Variants in C19orf25 observed in about 807,000 individuals in gnomAD.
C19orf25 encodes chromosome 19 open reading frame 25, also known as UPF0449 protein C19orf25.
Under a neutral mutation model 3.1 loss-of-function variants are expected in C19orf25, and 1 was observed. The ratio of observed to expected loss-of-function variants is 0.32; its 90% CI spans 0.12 to 1.54. The LOEUF is 1.54. C19orf25 is among the 40% of genes most tolerant of loss of function. The pLI is 0.38. For missense variants in C19orf25, 196 were observed against 160.4 expected (o/e 1.22, Z -1.20); for synonymous variants, 91 against 74.3 (o/e 1.23, Z -1.16).
At position 1,473,868 on chromosome 19, in the gene C19orf25, A is replaced by C. The variant is rs80292003; in HGVS notation, c.*1164T>G. 118 of 152,474 alleles carry C rather than the reference A, an allele frequency of 7.7e-4. No individual in the cohort carries two copies. Among genetic ancestry groups the C allele is most frequent in the African/African-American group, 2.8e-3 (116 of 41,598 alleles). 9.4% of individuals were successfully genotyped at this position (152,474 alleles called of 1,614,324 possible). A position where few individuals can be genotyped will look rare whatever the true frequency, so the allele number is the denominator to read the frequency against. ...AGCTTCAGAAGCATGACCAGTGAGA[A>C]GTCCCTAGGGCCCAGGCCGGGCTAG... On this transcript the variant is annotated 3_prime_UTR_variant, in exon 3 of 3. Coordinates refer to ENST00000585675, the MANE Select transcript of C19orf25 (RefSeq NM_152482.3).
intron 2 of C19orf25, 148 bp downstream of exon 2, chr19:1,478,626 T>C (rs1248019231): frequency 9.0e-6 from 13 of 1,440,230 alleles, no homozygotes; most frequent in Middle Eastern, 1.8e-4. Flanking sequence ...TACGGAGGAG[T>C]AGAGGGAGAC....
intron 2 of C19orf25, chr19:1,476,190 A>AGG (rs1017869568): frequency 5.0e-6 from 2 of 398,776 alleles, no homozygotes; most frequent in African/African-American, 4.1e-5. Flanking sequence ...GAGAAGCGTC[A>AGG]GGGGCCCCTC....
chr19:1,475,130 A>G lies in C19orf25; in HGVS notation c.259T>C (p.Cys87Arg). 6.3e-7 allele frequency: 1 copy of G among 1,599,692 alleles called. No individual in the cohort carries two copies. Among genetic ancestry groups the G allele is most frequent in the Non-Finnish European group, 8.5e-7 (1 of 1,174,364 alleles). ...QQAGNVLRQR[C>R]ELLQRAGEDL... ...TCGCCGGCTCGCTGCAGGAGCTCAC[A>G]CCTCTGCCTCAGCACGTTGCCCGCC... is the stretch of plus-strand genomic sequence containing the variant. Residue 87 changes from cysteine to arginine, a missense_variant, in exon 3 of 3, where the codon TGT (cysteine) becomes CGT (arginine). Coordinates refer to ENST00000585675, the MANE Select transcript of C19orf25 (RefSeq NM_152482.3).
At chr19:1,478,367 A>C (rs1037855646) in intron 2 of C19orf25, 2 of 335,146 alleles carry the variant, frequency 6.0e-6, no homozygotes, top group Admixed American at 4.9e-5. Flanking sequence ...CAGCCTCCCG[A>C]GTAGCTGAGA....
intron 2 of C19orf25, among the ~76,000 whole-genome samples, chr19:1,477,000 TC>T (rs2084211831): frequency 2.9e-5 from 2 of 68,350 alleles, no homozygotes; most frequent in Non-Finnish European, 5.0e-5. Flanking sequence ...TTTTCTTTTT[TC>T]TTTTTTTTTT....
rs1419751984 is a variant in C19orf25, at chr19:1,478,822, G to A, written c.82C>T (p.Arg28Trp). The A allele has an allele frequency of 1.9e-6, 3 of 1,591,450 alleles. No individual in the cohort carries two copies. Among genetic ancestry groups the A allele is most frequent in the South Asian group, 1.1e-5 (1 of 87,386 alleles). Residue 28 changes from arginine to tryptophan, a missense_variant, in exon 2 of 3, where the codon CGG becomes TGG. By Grantham distance (101) the Arg-to-Trp change is moderately radical. Coordinates refer to ENST00000585675, the MANE Select transcript of C19orf25 (RefSeq NM_152482.3). ...PTVEQILEDV[R>W]GAPAEDPVFT... The stretch of plus-strand genomic sequence containing the variant: ...ACTGGATCCTCTGCCGGCGCACCCC[G>A]CACATCCTCCAGGATCTGCTCCACC...
chr19:1,474,089 CCCGGGGTCG>C lies in C19orf25; in HGVS notation c.*934_*942del, dbSNP rs941555964. 1 of 152,248 alleles carries C rather than the reference CCCGGGGTCG, an allele frequency of 6.6e-6. No individual in the cohort carries two copies. The highest frequency in any genetic ancestry group is 2.4e-5 in the African/African-American group (1 of 41,450). The allele number at this position is 152,248 out of a possible 1,614,324, so 9.4% of individuals were successfully genotyped here. A position where few individuals can be genotyped will look rare whatever the true frequency, so the allele number is the denominator to read the frequency against. On this transcript the variant is annotated 3_prime_UTR_variant, in exon 3 of 3. Coordinates refer to ENST00000585675, the MANE Select transcript of C19orf25 (RefSeq NM_152482.3). The stretch of plus-strand genomic sequence containing the variant: ...GTGCCCGGCAGGACTGAGCAGGGTT[CCCGGGGTCG>C]CCGGTACCCATCCCTCCCCAGCTTC...
intron 1 of C19orf25, 37 bp downstream of exon 1, chr19:1,479,126 T>A: frequency 7.6e-7 from 1 of 1,309,588 alleles, no homozygotes; most frequent in Non-Finnish European, 9.7e-7. Context: ...CTGCCTCAGT[T>A]TCCCCGCGGT....
At chr19:1,477,302 G>A (rs749587396) in intron 2 of C19orf25, among the ~76,000 whole-genome samples, 13 of 152,122 alleles carry the variant, frequency 8.5e-5, no homozygotes, top group African/African-American at 1.4e-4. Flanking sequence ...GCACCTGGCC[G>A]ATTCATCTTC....
Position 1,475,227 on chromosome 19 carries a change from A to C in C19orf25, c.162T>G (p.Asp54Glu). The C allele has an allele frequency of 6.4e-7, 1 of 1,558,208 alleles. No individual in the cohort carries two copies. Among genetic ancestry groups the C allele is most frequent in the Non-Finnish European group, 8.7e-7 (1 of 1,151,674 alleles). Residue 54 changes from aspartate to glutamate, a missense_variant, in exon 3 of 3, where the codon GAT (aspartate) becomes GAG (glutamate). Transcript: ENST00000585675. ...AGAGCTGCTCTCCCGGGGCCTCCGC[A>C]TCCTCCATCATCCTGAAGGGAACTG... ...DPPVPFRMME[D>E]AEAPGEQLYQ... is the part of the protein sequence containing the mutation.
Position 1,478,715 on chromosome 19 carries a change from C to T in C19orf25, c.130+59G>A, listed in dbSNP as rs540860587. Reference sequence around the variant, plus strand: ...CAGGAGTTAGGGGTGTGCTTCTCTCCCGTCCCCTTGCTGCCGGGGTCTCAG... The same window carrying T: ...CAGGAGTTAGGGGTGTGCTTCTCTCTCGTCCCCTTGCTGCCGGGGTCTCAG... On this transcript the variant is annotated intron_variant, in intron 2 of 2. Transcript: ENST00000585675. The T allele has an allele frequency of 4.5e-5, 69 of 1,534,176 alleles. No individual in the cohort carries two copies. In the East Asian group the frequency reaches 1.1e-3, roughly 24 times the overall value.
chr19:1,479,020 G>GCC, intron 1 of C19orf25, 115 bp from the exon 2 acceptor site: 25 of 1,396,604 alleles, frequency 1.8e-5, no homozygotes, highest in Non-Finnish European at 2.2e-5. Flanking sequence ...TCCCGGGGAA[G>GCC]CCCGCCCTGT....
intron 2 of C19orf25, among the ~76,000 whole-genome samples, chr19:1,477,595 C>G (rs1039665736): frequency 9.9e-5 from 15 of 152,236 alleles, no homozygotes; most frequent in African/African-American, 3.4e-4. Flanking sequence ...CTCTGCCCTT[C>G]TGGTGTGAGA....
At chr19:1,476,326 C>T (rs1006282524) in intron 2 of C19orf25, 18 of 398,818 alleles carry the variant, frequency 4.5e-5, no homozygotes, top group South Asian at 1.3e-4. Context: ...AAAGGCCGGG[C>T]AGTGCCTGGA....
chr19:1,476,034 G>A, intron 2 of C19orf25: 1 of 396,220 alleles, frequency 2.5e-6, no homozygotes, highest in Non-Finnish European at 4.4e-6. Flanking sequence ...CACACTTAGG[G>A]AGGCAGGGGT....
At chr19:1,475,577 T>G in intron 2 of C19orf25, 2 of 298,424 alleles carry the variant, frequency 6.7e-6, no homozygotes, top group Non-Finnish European at 6.4e-6. Context: ...TGGTCCCTAC[T>G]TCTCTGGAGG....
rs910852291 is a variant in C19orf25, at chr19:1,479,160, C to T, written c.-3+3G>A. The T allele has an allele frequency of 1.6e-5, 21 of 1,281,848 alleles. No homozygotes were observed. The African/African-American group carries it at 2.9e-4, about 18-fold the overall frequency. 79.4% of individuals were successfully genotyped at this position (1,281,848 alleles called of 1,614,324 possible). On this transcript the variant is annotated splice_donor_region_variant and intron_variant, in intron 1 of 2. Coordinates refer to ENST00000585675, the MANE Select transcript of C19orf25 (RefSeq NM_152482.3). Reference sequence around the variant, plus strand: ...GTCACCCCAGTCGCCGGCCTCTTCCCACCTGGGCGCGGGACCCGAAAGCCC... The same window carrying T: ...GTCACCCCAGTCGCCGGCCTCTTCCTACCTGGGCGCGGGACCCGAAAGCCC...
In C19orf25 at chr19:1,478,830, T is replaced by C; in HGVS notation, c.74A>G (p.Glu25Gly). The change falls in exon 2 of 3, where the codon GAG (glutamate) becomes GGG (glycine). Residue 25 changes from glutamate (E) to glycine (G), a missense_variant. Coordinates refer to ENST00000585675, the MANE Select transcript of C19orf25 (RefSeq NM_152482.3). ...CTCTGCCGGCGCACCCCGCACATCC[T>C]CCAGGATCTGCTCCACCGTGGGGGG... is the stretch of plus-strand genomic sequence containing the variant. ...PAPPTVEQIL[E>G]DVRGAPAEDP... 1.3e-6 allele frequency: 2 copies of C among 1,595,530 alleles called. No individual in the cohort carries two copies. Among genetic ancestry groups the C allele is most frequent in the Non-Finnish European group, 1.7e-6 (2 of 1,172,336 alleles).
chr19:1,478,373 T>C, intron 2 of C19orf25: 1 of 352,412 alleles, frequency 2.8e-6, no homozygotes. Flanking sequence ...CCCGAGTAGC[T>C]GAGATTACAG....
Sources: allele counts gnomAD v4.1 joint callset (sites outside exome capture counted in the v4.1 genomes callset), GRCh38; gene constraint gnomAD v4.1.1; transcripts MANE v1.5; gene names NCBI Gene and HGNC (gene_info 2026-07-23, HGNC 2026-07-21).